The following HDAC8 variants were observed in gnomAD, a reference collection of about 807,000 sequenced individuals.
HDAC8 encodes the protein histone deacetylase-like 1.
A neutral mutation model predicts 32.2 loss-of-function variants in HDAC8; 1 was observed. The ratio of observed to expected loss-of-function variants is 0.03; its 90% confidence interval spans 0.01 to 0.15. HDAC8 has a LOEUF of 0.15. Among genes scored for constraint, HDAC8 ranks in the 10% least tolerant of loss-of-function variants. The pLI is 1.00. For synonymous variants in HDAC8, 108 were observed against 113.9 expected (o/e 0.95, Z 0.33); for missense variants, 117 against 300.0 (o/e 0.39, Z 4.51).
At chrX:72,457,993 T>TACAC (rs782161512) in intron 9 of HDAC8, among the ~76,000 whole-genome samples, 1 of 108,434 alleles carries the variant, frequency 9.2e-6, no homozygotes, top group Non-Finnish European at 1.9e-5. Flanking sequence ...CACATATACA[T>TACAC]ACACACACAC....
chrX:72,441,800 G>A (rs369132681), intron 9 of HDAC8, among the ~76,000 whole-genome samples: 1 of 111,481 alleles, frequency 9.0e-6, no homozygotes, highest in African/African-American at 3.3e-5. Context: ...AAATTTAGAC[G>A]AATGTATAAC....
intron 4 of HDAC8, among the ~76,000 whole-genome samples, chrX:72,562,685 AAT>A (rs1244426101): frequency 9.0e-6 from 1 of 110,631 alleles, no homozygotes; most frequent in Non-Finnish European, 1.9e-5. Flanking sequence ...GAAATAAAAA[AAT>A]ATATATATAA....
chrX:72,349,228 G>T (rs1361965181), intron 10 of HDAC8, among the ~76,000 whole-genome samples: 3 of 112,137 alleles, frequency 2.7e-5, no homozygotes, highest in African/African-American at 6.5e-5. Context: ...TCTCCAAAAG[G>T]TTCCAGCACC....
intron 10 of HDAC8, among the ~76,000 whole-genome samples, chrX:72,341,192 C>T (rs782783038): frequency 2.7e-5 from 3 of 111,950 alleles, no homozygotes; most frequent in Non-Finnish European, 5.6e-5. Context: ...TGATCTTCCC[C>T]AGGATCATGG....
At chrX:72,497,687 T>A (rs1219512743) in intron 4 of HDAC8, among the ~76,000 whole-genome samples, 21 of 111,905 alleles carry the variant, frequency 1.9e-4, no homozygotes, top group African/African-American at 6.5e-4. Flanking sequence ...TGTAAATTTG[T>A]TTAACCAAGT....
At chrX:72,444,017 G>C (rs1222071474) in intron 9 of HDAC8, among the ~76,000 whole-genome samples, 7 of 109,038 alleles carry the variant, frequency 6.4e-5, no homozygotes, top group South Asian at 8.1e-4. Context: ...AGACCAATAA[G>C]AGGCTCTGAA....
intron 9 of HDAC8, among the ~76,000 whole-genome samples, chrX:72,435,345 T>C (rs782615231): frequency 9.9e-5 from 11 of 111,222 alleles, no homozygotes; most frequent in Non-Finnish European, 2.1e-4. Flanking sequence ...TCAAAAGACC[T>C]AAAATCTACA....
intron 9 of HDAC8, among the ~76,000 whole-genome samples, chrX:72,402,232 T>G (rs1193238975): frequency 9.0e-6 from 1 of 111,113 alleles, no homozygotes; most frequent in Non-Finnish European, 1.9e-5. Context: ...AATTTGAGTC[T>G]TCTCTCTTTT....
chrX:72,423,341 A>G, intron 9 of HDAC8, among the ~76,000 whole-genome samples: 1 of 111,577 alleles, frequency 9.0e-6, no homozygotes, highest in Middle Eastern at 4.6e-3. Context: ...CCTGTTTCCA[A>G]TTTTTACTCC....
At chrX:72,435,027 T>C (rs1243585810) in intron 9 of HDAC8, among the ~76,000 whole-genome samples, 2 of 112,701 alleles carry the variant, frequency 1.8e-5, no homozygotes, top group African/African-American at 6.4e-5. Flanking sequence ...AGATGTCATA[T>C]ACACATGGTA....
At chrX:72,386,988 C>G (rs1422503337) in intron 9 of HDAC8, among the ~76,000 whole-genome samples, 1 of 112,205 alleles carries the variant, frequency 8.9e-6, no homozygotes, top group East Asian at 2.8e-4. Context: ...GCTGAACTAG[C>G]TCTAGTTCAG....
At chrX:72,390,515 A>C (rs1451316572) in intron 9 of HDAC8, among the ~76,000 whole-genome samples, 34 of 112,083 alleles carry the variant, frequency 3.0e-4, no homozygotes, top group Admixed American at 2.6e-3. Context: ...GGCACACTGA[A>C]CCTAGCATTG....
chrX:72,477,542 A>G (rs1347632357), intron 7 of HDAC8, among the ~76,000 whole-genome samples: 1 of 111,931 alleles, frequency 8.9e-6, no homozygotes, highest in Non-Finnish European at 1.9e-5. Context: ...AAATTCTGCC[A>G]TATAGTTAGC....
At chrX:72,433,388 G>A (rs782733660) in intron 9 of HDAC8, among the ~76,000 whole-genome samples, 20 of 112,087 alleles carry the variant, frequency 1.8e-4, no homozygotes, top group African/African-American at 6.5e-4. Context: ...AAGAGAAACA[G>A]GAGTACTATC....
At chrX:72,499,634 C>G (rs1328062363) in intron 4 of HDAC8, among the ~76,000 whole-genome samples, 1 of 111,752 alleles carries the variant, frequency 8.9e-6, no homozygotes, top group African/African-American at 3.3e-5. Context: ...CTCTGGGAAG[C>G]AGCTAAGGCA....
intron 10 of HDAC8, among the ~76,000 whole-genome samples, chrX:72,338,393 G>A (rs1279665847): frequency 1.8e-5 from 2 of 110,163 alleles, no homozygotes; most frequent in South Asian, 3.8e-4. Flanking sequence ...TGGGTAAGGT[G>A]AGCAAACACA....
At chrX:72,564,922 A>T (rs1556130261) in intron 4 of HDAC8, among the ~76,000 whole-genome samples, 1 of 112,197 alleles carries the variant, frequency 8.9e-6, no homozygotes, top group African/African-American at 3.2e-5. Context: ...CTTACTCCTA[A>T]GATATAAATT....
At chrX:72,477,730 C>T (rs890805175) in intron 7 of HDAC8, among the ~76,000 whole-genome samples, 2 of 112,560 alleles carry the variant, frequency 1.8e-5, no homozygotes, top group African/African-American at 3.2e-5. Flanking sequence ...CTTTTAAGTA[C>T]TGCACATAGA....
At chrX:72,330,370 A>G (rs782111641) in intron 10 of HDAC8, among the ~76,000 whole-genome samples, 2 of 111,695 alleles carry the variant, frequency 1.8e-5, no homozygotes, top group South Asian at 7.6e-4. Flanking sequence ...CAGAACCAGA[A>G]GAGCCACCCA....
Sources: gnomAD v4.1 joint callset for allele counts (sites outside exome capture counted in the v4.1 genomes callset) on GRCh38, gnomAD v4.1.1 for gene constraint, MANE v1.5 for transcripts, NCBI Gene and HGNC (gene_info 2026-07-23, HGNC 2026-07-21) for gene names.